CHST8: variants seen among roughly 807,000 people sequenced by gnomAD.
CHST8 encodes carbohydrate sulfotransferase 8.
A neutral mutation model predicts 15.0 loss-of-function variants in CHST8; 10 were observed. The ratio of observed to expected loss-of-function variants is 0.67; its 90% confidence interval spans 0.41 to 1.13. The LOEUF (loss-of-function observed/expected upper bound fraction) is 1.13. Among genes scored for constraint, CHST8 ranks in the 50% most tolerant of loss-of-function variants. The pLI is 0.00. For synonymous variants in CHST8, 259 were observed against 256.6 expected, an observed-to-expected ratio of 1.01 and a Z score of -0.09; for missense variants, 634 against 608.2, an observed-to-expected ratio of 1.04 and a Z score of -0.45.
intron 3 of CHST8, among the ~76,000 whole-genome samples, chr19:33,711,825 G>T (rs1447198684): frequency 6.6e-6 from 1 of 151,656 alleles, no homozygotes; most frequent in East Asian, 1.9e-4. Flanking sequence ...TAGAGATGGG[G>T]TTTCACCATG....
chr19:33,633,774 CGT>C (rs55655047), intron 1 of CHST8, among the ~76,000 whole-genome samples: 10,560 of 141,024 alleles, frequency 0.075, 499 homozygotes, highest in East Asian at 0.27. Flanking sequence ...TTTTCTTTTT[CGT>C]GTGTGTGTGT....
chr19:33,716,100 T>C (rs1332828517), intron 3 of CHST8, among the ~76,000 whole-genome samples: 3 of 152,250 alleles, frequency 2.0e-5, no homozygotes, highest in African/African-American at 7.2e-5. Context: ...CCTCTTTCCA[T>C]ATCGAGACGG....
At chr19:33,745,976 T>C (rs2145348516) in intron 3 of CHST8, among the ~76,000 whole-genome samples, 1 of 152,342 alleles carries the variant, frequency 6.6e-6, no homozygotes, top group African/African-American at 2.4e-5. Flanking sequence ...GACTAAGGTT[T>C]ACTTGACTGG....
chr19:33,732,485 A>G (rs1001715569), intron 3 of CHST8, among the ~76,000 whole-genome samples: 2 of 151,732 alleles, frequency 1.3e-5, no homozygotes, highest in Non-Finnish European at 2.9e-5. Flanking sequence ...GTTCCTGTGA[A>G]TCTGTAGCCA....
intron 1 of CHST8, among the ~76,000 whole-genome samples, chr19:33,667,372 C>G (rs768439889): frequency 6.6e-6 from 1 of 152,194 alleles, no homozygotes; most frequent in Admixed American, 6.5e-5. Flanking sequence ...CGCAGCCCGA[C>G]GGCTGGCGCT....
At chr19:33,636,688 C>T (rs1972208279) in intron 1 of CHST8, among the ~76,000 whole-genome samples, 1 of 152,114 alleles carries the variant, frequency 6.6e-6, no homozygotes, top group Non-Finnish European at 1.5e-5. Flanking sequence ...ATCACCTGAG[C>T]TCAGGAGTTC....
intron 3 of CHST8, among the ~76,000 whole-genome samples, chr19:33,750,541 C>T (rs889870591): frequency 2.6e-5 from 4 of 151,606 alleles, no homozygotes; most frequent in African/African-American, 9.7e-5. Context: ...GATAAGCCAT[C>T]CCTGAAGGCT....
Position 33,772,662 on chromosome 19 carries a change from C to T in CHST8, c.874C>T (p.Arg292Cys), listed in dbSNP as rs1416444362. 4 of 1,613,884 alleles carry T rather than the reference C, an allele frequency of 2.5e-6. No homozygotes were observed. The highest frequency in any genetic ancestry group is 3.4e-6 in the Non-Finnish European group (4 of 1,180,040). ...CGGCAAGGCCATCCTGGCCCGGTAC[C>T]GCGCCAATGCCTCTCGGGAGGCCCT... is the stretch of plus-strand genomic sequence containing the variant. ...VFGKAILARY[R>C]ANASREALRT... The change falls in exon 5 of 5, where the codon CGC becomes TGC. Residue 292 changes from arginine to cysteine, a missense_variant. Transcript: ENST00000650847.
At chr19:33,639,086 CAAAAAA>C (rs34970478) in intron 1 of CHST8, among the ~76,000 whole-genome samples, 10 of 64,674 alleles carry the variant, frequency 1.5e-4, no homozygotes, top group East Asian at 4.2e-4. Context: ...TGATCCTGAC[CAAAAAA>C]AAAAAAAAAA....
At chr19:33,665,914 T>C (rs1972652120) in intron 1 of CHST8, among the ~76,000 whole-genome samples, 1 of 152,182 alleles carries the variant, frequency 6.6e-6, no homozygotes, top group Non-Finnish European at 1.5e-5. Context: ...GGTGGACAAA[T>C]GACAAAATGA....
At chr19:33,693,040 C>A (rs963369451) in intron 3 of CHST8, among the ~76,000 whole-genome samples, 7 of 129,114 alleles carry the variant, frequency 5.4e-5, no homozygotes, top group Admixed American at 1.7e-4. Context: ...GAGTTTCGTT[C>A]TTGTTGCCCA....
At position 33,772,328 on chromosome 19, in the gene CHST8, C is replaced by T; in HGVS notation, c.540C>T (p.His180=). The T allele has an allele frequency of 6.2e-7, 1 of 1,605,808 alleles. No homozygotes were observed. The highest frequency in any genetic ancestry group is 8.5e-7 in the Non-Finnish European group (1 of 1,179,252). Residue 180 remains histidine, a synonymous_variant, in exon 5 of 5, where the codon CAC becomes CAT. Coordinates refer to ENST00000650847, the MANE Select transcript of CHST8 (RefSeq NM_001127895.2). ...SSSRRAVTPR[H]VSRIFVEDRH... ...GCCGCCGGGCCGTCACGCCCCGCCACGTGTCCCGTATCTTCGTGGAGGACC... is the reference window on the plus strand; with the variant it reads ...GCCGCCGGGCCGTCACGCCCCGCCATGTGTCCCGTATCTTCGTGGAGGACC...
intron 1 of CHST8, among the ~76,000 whole-genome samples, chr19:33,624,342 T>A (rs540450661): frequency 2.0e-5 from 3 of 152,328 alleles, no homozygotes; most frequent in African/African-American, 7.2e-5. Context: ...CCTCCTGGGC[T>A]TGGTAGAACA....
chr19:33,662,464 G>A (rs1972600155), intron 1 of CHST8, among the ~76,000 whole-genome samples: 1 of 152,176 alleles, frequency 6.6e-6, no homozygotes. Context: ...TTCCACTCTA[G>A]GTCTCACCTT....
At chr19:33,738,366 C>T (rs1018315118) in intron 3 of CHST8, among the ~76,000 whole-genome samples, 1 of 152,162 alleles carries the variant, frequency 6.6e-6, no homozygotes, top group East Asian at 1.9e-4. Flanking sequence ...CATTCAAACC[C>T]CCCATCCCTG....
chr19:33,697,196 A>G (rs1467005002), intron 3 of CHST8, among the ~76,000 whole-genome samples: 1 of 151,348 alleles, frequency 6.6e-6, no homozygotes, highest in African/African-American at 2.4e-5. Context: ...TTTTGATGGG[A>G]TTATTTGTTT....
intron 3 of CHST8, among the ~76,000 whole-genome samples, chr19:33,762,889 C>G (rs1201533619): frequency 1.4e-5 from 2 of 147,526 alleles, no homozygotes; most frequent in African/African-American, 5.0e-5. Flanking sequence ...TGAGATGGAG[C>G]CTTGCTCTGT....
intron 3 of CHST8, among the ~76,000 whole-genome samples, chr19:33,758,284 C>T (rs538585934): frequency 2.0e-5 from 3 of 152,246 alleles, no homozygotes; most frequent in African/African-American, 4.8e-5. Context: ...GAGTCAGGGC[C>T]GTCACCCAGA....
chr19:33,696,968 G>A (rs1158102114), intron 3 of CHST8, among the ~76,000 whole-genome samples: 1 of 151,492 alleles, frequency 6.6e-6, no homozygotes, highest in African/African-American at 2.4e-5. Flanking sequence ...AGCCTCCCAA[G>A]TAGCTGGGAT....
Sources: gnomAD v4.1 joint callset for allele counts (sites outside exome capture counted in the v4.1 genomes callset) on GRCh38, gnomAD v4.1.1 for gene constraint, MANE v1.5 for transcripts, NCBI Gene and HGNC (gene_info 2026-07-23, HGNC 2026-07-21) for gene names.